AXIN1: variants seen among roughly 807,000 people sequenced by gnomAD.
AXIN1 encodes the protein axin 1.
AXIN1 carries 30 observed loss-of-function variants against 76.4 expected under a neutral mutation model. The ratio of observed to expected loss-of-function variants is 0.39; its 90% CI spans 0.29 to 0.53. The LOEUF (loss-of-function observed/expected upper bound fraction) is 0.53. AXIN1 is among the 20% of genes least tolerant of loss of function. The pLI, the probability that AXIN1 is intolerant of heterozygous loss-of-function variation, is 0.66. For missense variants in AXIN1, 1,140 were observed against 1,198.8 expected (o/e 0.95, Z 0.72); for synonymous variants, 545 against 501.4 (o/e 1.09, Z -1.16).
In AXIN1 at chr16:289,468, C is replaced by A. The variant is rs2052489931; in HGVS notation, c.2434G>T (p.Glu812Ter). The A allele has an allele frequency of 6.2e-7, 1 of 1,612,850 alleles. No homozygotes were observed. The change falls in exon 10 of 11, where the codon GAG (glutamate) becomes TAG (stop). Residue 812 changes from glutamate to a stop codon, truncating the protein, a stop_gained. Transcript: ENST00000262320. LOFTEE classifies it high-confidence loss of function. ...GRAVTLGQFK[E>*]LLTKKGSYRY... ...TAGCTGCCCTTTTTGGTCAGCAGCT[C>A]CTTGAACTGGCCCAGGGTGACAGCG...
In AXIN1 at chr16:304,448, G is replaced by A. The variant is rs757941357; in HGVS notation, c.1117-7C>T. ...TCGGCACCCGGTACGTGCGCTGCGA[G>A]GGACAGGACTGTGAGGCACGGGGGT... On this transcript the variant is annotated splice_polypyrimidine_tract_variant and splice_region_variant and intron_variant, in intron 4 of 10. Transcript: ENST00000262320. 4.3e-6 allele frequency: 7 copies of A among 1,612,682 alleles called. No individual in the cohort carries two copies. In the South Asian group the frequency reaches 6.6e-5, roughly 15 times the overall value.
In AXIN1 at chr16:346,232, C is replaced by T. The variant is rs374640773; in HGVS notation, c.794G>A (p.Gly265Glu). 6.2e-7 allele frequency: 1 copy of T among 1,614,112 alleles called. No individual in the cohort carries two copies. The change falls in exon 2 of 11, where the codon GGA (glycine) becomes GAA (glutamate). Residue 265 changes from glycine to glutamate, a missense_variant. Around this residue, in one of 3 missense-constraint regions of AXIN1, gnomAD observed 708 missense variants for 776.9 expected, o/e 0.91. Transcript: ENST00000262320. ...CAGGAGCAGCTTCTGAGGGAGTCTT[C>T]CGGGGGGAGCAGCGTCTCTGCCATC... is the stretch of plus-strand genomic sequence containing the variant. ...EDDGRDAAPP[G>E]RLPQKLLLET...
At chr16:325,792 C>G (rs910530775) in intron 2 of AXIN1, among the ~76,000 whole-genome samples, 1 of 152,182 alleles carries the variant, frequency 6.6e-6, no homozygotes, top group African/African-American at 2.4e-5. Flanking sequence ...CATGACGGGG[C>G]CTTCGGAAAC....
intron 2 of AXIN1, among the ~76,000 whole-genome samples, chr16:333,281 G>A (rs914171822): frequency 6.6e-6 from 1 of 151,632 alleles, no homozygotes; most frequent in Admixed American, 6.6e-5. Context: ...GCAGTGAGCC[G>A]AGATCGCACC....
intron 4 of AXIN1, among the ~76,000 whole-genome samples, chr16:308,428 A>G (rs1438616004): frequency 6.6e-6 from 1 of 152,000 alleles, no homozygotes; most frequent in Non-Finnish European, 1.5e-5. Context: ...TGCACTTTCT[A>G]CACACGAAGA....
chr16:320,844 A>G (rs1447722514), intron 2 of AXIN1, among the ~76,000 whole-genome samples: 1 of 84,032 alleles, frequency 1.2e-5, no homozygotes, highest in Non-Finnish European at 2.4e-5. Context: ...GGTTCAATCG[A>G]TTCTCCTGCC....
intron 10 of AXIN1, among the ~76,000 whole-genome samples, chr16:289,085 T>C (rs1358662453): frequency 2.0e-5 from 3 of 151,246 alleles, no homozygotes. Context: ...TTTTCTTCTT[T>C]TTTTTTTTTT....
Position 295,625 on chromosome 16 carries a change from C to CT in AXIN1, c.1955+1430dup, listed in dbSNP as rs1567263328. ...AAAGTGGAATGTATTAATACTTATC[C>CT]TAAAATATGGGACATGCAATATTTA... is the stretch of plus-strand genomic sequence containing the variant. On this transcript the variant is annotated intron_variant, in intron 7 of 10. Transcript: ENST00000262320. 2.0e-5 allele frequency among the ~76,000 whole-genome samples: 3 copies of CT among 152,062 alleles called. No homozygotes were observed. In the South Asian group the frequency reaches 6.2e-4, roughly 32 times the overall value.
At chr16:342,688 C>CCTCAGAGCAACAGCGGG (rs1296006919) in intron 2 of AXIN1, among the ~76,000 whole-genome samples, 1 of 152,234 alleles carries the variant, frequency 6.6e-6, no homozygotes, top group Non-Finnish European at 1.5e-5. Context: ...CACGTGCCCT[C>CCTCAGAGCAACAGCGGG]CTCAGAGCAA....
chr16:315,895 A>T (rs2053291260), intron 2 of AXIN1, among the ~76,000 whole-genome samples: 1 of 151,548 alleles, frequency 6.6e-6, no homozygotes, highest in South Asian at 2.1e-4. Flanking sequence ...TCTAGTAAAA[A>T]TACAAAAATT....
intron 1 of AXIN1, among the ~76,000 whole-genome samples, chr16:348,826 C>T (rs1597131123): frequency 6.6e-6 from 1 of 151,738 alleles, no homozygotes; most frequent in African/African-American, 2.4e-5. Context: ...AGGCCGGGCA[C>T]AGTGGCTCAC....
At chr16:318,728 G>A (rs977847373) in intron 2 of AXIN1, among the ~76,000 whole-genome samples, 3 of 152,340 alleles carry the variant, frequency 2.0e-5, no homozygotes, top group South Asian at 2.1e-4. Context: ...ATCTGTGTGC[G>A]CGCCCGCATG....
Position 346,312 on chromosome 16 carries a change from C to T in AXIN1, c.714G>A (p.Leu238=), listed in dbSNP as rs2141701806. The T allele has an allele frequency of 6.2e-7, 1 of 1,614,218 alleles. No individual in the cohort carries two copies. The highest frequency in any genetic ancestry group is 2.2e-5 in the East Asian group (1 of 44,878). Residue 238 remains leucine, a synonymous_variant, in exon 2 of 11, where the codon CTG becomes CTA. Coordinates refer to ENST00000262320, the MANE Select transcript of AXIN1 (RefSeq NM_003502.4). The part of the protein sequence containing the change: ...SGTGKGISGY[L]PTLNEDEEWK... ...ATTCCTCATCTTCATTTAAGGTCGG[C>T]AGGTATCCAGATATGCCCTTCCCTG...
intron 4 of AXIN1, among the ~76,000 whole-genome samples, chr16:308,153 T>G (rs980905191): frequency 1.3e-5 from 2 of 152,258 alleles, no homozygotes; most frequent in African/African-American, 4.8e-5. Flanking sequence ...TGTCTGTGCC[T>G]GCCGCCTCTG....
intron 2 of AXIN1, among the ~76,000 whole-genome samples, chr16:323,619 A>G (rs1273065778): frequency 6.7e-6 from 1 of 149,062 alleles, no homozygotes; most frequent in African/African-American, 2.5e-5. Context: ...GTCTCTACCA[A>G]AAATACAAAA....
At chr16:303,514 T>C (rs886699034) in intron 5 of AXIN1, among the ~76,000 whole-genome samples, 1 of 152,002 alleles carries the variant, frequency 6.6e-6, no homozygotes, top group Non-Finnish European at 1.5e-5. Context: ...CCTGAGTAGT[T>C]GGGATTACAG....
At chr16:324,840 G>A (rs1463035348) in intron 2 of AXIN1, among the ~76,000 whole-genome samples, 4 of 152,168 alleles carry the variant, frequency 2.6e-5, no homozygotes, top group Non-Finnish European at 5.9e-5. Flanking sequence ...CCCTTCCCAG[G>A]CCCAGCCCCC....
At chr16:314,323 CT>C (rs2141590892) in intron 3 of AXIN1, among the ~76,000 whole-genome samples, 1 of 152,308 alleles carries the variant, frequency 6.6e-6, no homozygotes, top group African/African-American at 2.4e-5. Context: ...CCAGGAAACA[CT>C]TTTCCTGAAG....
chr16:328,599 A>G (rs1597085327), intron 2 of AXIN1, among the ~76,000 whole-genome samples: 3 of 151,734 alleles, frequency 2.0e-5, no homozygotes, highest in Admixed American at 2.0e-4. Flanking sequence ...GGGAGGCTGA[A>G]GCGGGAGAAT....
Sources: gnomAD v4.1 joint callset for allele counts (sites outside exome capture counted in the v4.1 genomes callset) on GRCh38, gnomAD v4.1.1 for gene constraint, gnomAD v4.1.1 regional missense constraint, MANE v1.5 for transcripts, NCBI Gene and HGNC (gene_info 2026-07-23, HGNC 2026-07-21) for gene names.